ITSN1: variants seen among roughly 807,000 people sequenced by gnomAD.
The protein encoded by ITSN1 is intersectin 1.
A neutral mutation model predicts 239.8 loss-of-function variants in ITSN1; 58 were observed. The observed-to-expected ratio is 0.24, with a 90% confidence interval of 0.20 to 0.30. The LOEUF is 0.30. Ranked by LOEUF, ITSN1 falls within the 10% of genes least tolerant of loss-of-function variation. ITSN1 has a pLI of 1.00. For missense variants in ITSN1, 1,558 were observed against 2,103.3 expected (o/e 0.74, Z 5.07); for synonymous variants, 780 against 770.8 (o/e 1.01, Z -0.20).
intron 1 of ITSN1, among the ~76,000 whole-genome samples, chr21:33,690,994 GA>G (rs1021467958): frequency 6.6e-6 from 1 of 151,036 alleles, no homozygotes; most frequent in Non-Finnish European, 1.5e-5. Context: ...CCCTCACCTG[GA>G]AAGCAGCTGT....
Position 33,886,450 on chromosome 21 carries a change from C to T in ITSN1, c.5007C>T (p.Phe1669=). ...LCITVFERDQ[F]SPDDFLGRTE... is the part of the protein sequence containing the mutation. ...TCACTGTGTTCGAGAGGGACCAGTT[C>T]TCACCAGATGGTGAGTGGAACGCGG... The change falls in exon 39 of 40, where the codon TTC becomes TTT. Residue 1669 remains phenylalanine (F), a synonymous_variant. Coordinates refer to ENST00000381318, the MANE Select transcript of ITSN1 (RefSeq NM_003024.3). 6.3e-7 allele frequency: 1 copy of T among 1,585,604 alleles called. No individual in the cohort carries two copies. The highest frequency in any genetic ancestry group is 1.2e-5 in the South Asian group (1 of 86,836).
At chr21:33,842,223 C>T (rs2074848671) in intron 29 of ITSN1, among the ~76,000 whole-genome samples, 1 of 152,074 alleles carries the variant, frequency 6.6e-6, no homozygotes. Context: ...ACGAAAACCC[C>T]ACATAGGAAA....
At chr21:33,792,668 T>A (rs1253717512) in intron 16 of ITSN1, among the ~76,000 whole-genome samples, 3 of 152,190 alleles carry the variant, frequency 2.0e-5, no homozygotes, top group Non-Finnish European at 4.4e-5. Context: ...GATTTTCTGA[T>A]CTCAGCACTT....
intron 5 of ITSN1, among the ~76,000 whole-genome samples, chr21:33,737,330 C>T (rs929064378): frequency 6.6e-6 from 1 of 152,158 alleles, no homozygotes; most frequent in African/African-American, 2.4e-5. Context: ...ACTCTTCCCC[C>T]CAGACTTCTC....
rs1986084488 is a variant in ITSN1 at position 33,888,187 on chromosome 21, A to G, written c.5053A>G (p.Ile1685Val). ...LGRTEIRVAD[I>V]KKDQGSKGPV... ...TCGGACGGAGATCCGTGTGGCGGAC[A>G]TCAAGAAAGACCAGGGCTCCAAAGG... is the stretch of plus-strand genomic sequence containing the variant. Residue 1685 changes from isoleucine to valine, a missense_variant, in exon 40 of 40, where the codon ATC becomes GTC. By Grantham distance (29) the Ile-to-Val change is conservative. Coordinates refer to ENST00000381318, the MANE Select transcript of ITSN1 (RefSeq NM_003024.3). 2.5e-6 allele frequency: 4 copies of G among 1,614,134 alleles called. No individual in the cohort carries two copies. Among genetic ancestry groups the G allele is most frequent in the Non-Finnish European group, 3.4e-6 (4 of 1,179,996 alleles).
intron 1 of ITSN1, among the ~76,000 whole-genome samples, chr21:33,681,616 T>TTTTTA (rs147580027): frequency 0.14 from 20,214 of 147,078 alleles, 1,693 homozygotes; most frequent in East Asian, 0.25. Flanking sequence ...TTGGAACCAG[T>TTTTTA]TTTTATTTTA....
At chr21:33,868,352 G>C (rs1259075357) in intron 33 of ITSN1, among the ~76,000 whole-genome samples, 62 of 152,370 alleles carry the variant, frequency 4.1e-4, no homozygotes, top group Admixed American at 3.1e-3. Flanking sequence ...ATGGGACTGG[G>C]CGCCGTGGAG....
intron 1 of ITSN1, among the ~76,000 whole-genome samples, chr21:33,651,689 T>G (rs1434787447): frequency 2.0e-5 from 3 of 152,220 alleles, no homozygotes; most frequent in African/African-American, 7.2e-5. Flanking sequence ...AAATCTTAAA[T>G]GTATGGGAAT....
At chr21:33,860,736 T>G (rs1980356355) in intron 31 of ITSN1, among the ~76,000 whole-genome samples, 1 of 152,158 alleles carries the variant, frequency 6.6e-6, no homozygotes, top group African/African-American at 2.4e-5. Flanking sequence ...GGTCCCGGAA[T>G]AGAGACTCCG....
chr21:33,851,163 C>T (rs937972313), intron 29 of ITSN1, among the ~76,000 whole-genome samples: 1 of 152,154 alleles, frequency 6.6e-6, no homozygotes, highest in Non-Finnish European at 1.5e-5. Flanking sequence ...TGGCCCTTCC[C>T]ACCTTTCCAC....
intron 11 of ITSN1, among the ~76,000 whole-genome samples, chr21:33,769,315 G>A (rs185145047): frequency 6.6e-6 from 1 of 152,250 alleles, no homozygotes; most frequent in Non-Finnish European, 1.5e-5. Context: ...TTCAACAGCC[G>A]TTTATTATAT....
chr21:33,700,145 A>G (rs748338338), intron 1 of ITSN1, among the ~76,000 whole-genome samples: 5 of 150,666 alleles, frequency 3.3e-5, no homozygotes, highest in Admixed American at 2.0e-4. Context: ...GTGCAGTGGC[A>G]CGATCTCAGC....
chr21:33,714,364 A>G (rs2092507538), intron 1 of ITSN1, among the ~76,000 whole-genome samples: 1 of 152,170 alleles, frequency 6.6e-6, no homozygotes, highest in African/African-American at 2.4e-5. Flanking sequence ...GTAGAGTTGG[A>G]GGTCAGAAGG....
At chr21:33,645,807 T>G (rs868743430) in intron 1 of ITSN1, among the ~76,000 whole-genome samples, 1 of 152,246 alleles carries the variant, frequency 6.6e-6, no homozygotes. Context: ...AACCACTGGC[T>G]TCCTTCTCTC....
rs9976801 is a variant in ITSN1, at chr21:33,865,304, T to G, written c.4044T>G (p.Asp1348Glu). 16 of 1,579,432 alleles carry G rather than the reference T, an allele frequency of 1.0e-5. No individual in the cohort carries two copies. The highest frequency in any genetic ancestry group is 1.4e-5 in the Non-Finnish European group (16 of 1,162,680). The change falls in exon 32 of 40, where the codon GAT becomes GAG. Residue 1348 changes from aspartate (D) to glutamate (E), a missense_variant. By Grantham distance (45) the Asp-to-Glu change is conservative. Transcript: ENST00000381318. This position sits in a 1 kb window ranked among gnomAD's most constrained non-coding sequence, Gnocchi z 4.4. ...NGAALIQQKT[D>E]EAPDFKEFVK... ...CTGCCCTGATCCAGCAGAAGACGGATGAGGCCCCAGACTTCAAGGAGTTCG... is the reference window on the plus strand; with the variant it reads ...CTGCCCTGATCCAGCAGAAGACGGAGGAGGCCCCAGACTTCAAGGAGTTCG...
chr21:33,832,015 C>T (rs1489365067), intron 27 of ITSN1, among the ~76,000 whole-genome samples: 3 of 152,140 alleles, frequency 2.0e-5, no homozygotes, highest in East Asian at 3.9e-4. Context: ...GTTCTGGAGA[C>T]GTGGGAGACT....
At chr21:33,675,980 A>G (rs2090565853) in intron 1 of ITSN1, among the ~76,000 whole-genome samples, 1 of 151,556 alleles carries the variant, frequency 6.6e-6, no homozygotes, top group Non-Finnish European at 1.5e-5. Context: ...TTTCTTTCAT[A>G]GAAGTGTTTT....
intron 7 of ITSN1, chr21:33,754,081 G>A (rs941310809): frequency 2.0e-5 from 3 of 152,114 alleles, no homozygotes; most frequent in African/African-American, 7.2e-5. Context: ...GACAACTTGT[G>A]TATGTAACAC....
intron 29 of ITSN1, among the ~76,000 whole-genome samples, chr21:33,838,733 C>A (rs975362772): frequency 3.3e-5 from 5 of 150,876 alleles, no homozygotes; most frequent in Non-Finnish European, 7.3e-5. Context: ...ATACCAGTTT[C>A]GAAACATAGA....
Sources: allele counts gnomAD v4.1 joint callset (sites outside exome capture counted in the v4.1 genomes callset), GRCh38; gene constraint gnomAD v4.1.1; non-coding constraint Gnocchi (gnomAD v3.1); transcripts MANE v1.5; gene names NCBI Gene and HGNC (gene_info 2026-07-23, HGNC 2026-07-21).